KHDRBS2: variants seen among roughly 807,000 people sequenced by gnomAD.
KHDRBS2 encodes KH RNA binding domain containing, signal transduction associated 2, also known as KH domain-containing, RNA-binding, signal transduction-associated protein 2.
KHDRBS2 carries 26 observed loss-of-function variants against 44.3 expected under a neutral mutation model. The ratio of observed to expected loss-of-function variants is 0.59; its 90% CI spans 0.43 to 0.81. The LOEUF is 0.81. KHDRBS2 is among the 40% of genes least tolerant of loss of function. The pLI is 0.00. For missense variants in KHDRBS2, 476 were observed against 433.1 expected (o/e 1.10, Z -0.88); for synonymous variants, 194 against 151.1 (o/e 1.28, Z -2.08).
chr6:61,697,200 C>A lies in KHDRBS2; in HGVS notation c.947G>T (p.Ser316Ile), dbSNP rs766702570. The A allele has an allele frequency of 6.2e-7, 1 of 1,602,716 alleles. No individual in the cohort carries two copies. Among genetic ancestry groups the A allele is most frequent in the South Asian group, 1.1e-5 (1 of 90,798 alleles). The change falls in exon 8 of 9, where the codon AGC (serine) becomes ATC (isoleucine). Residue 316 changes from serine to isoleucine, a missense_variant. Ser to Ile is a moderately radical substitution (Grantham distance 142). Coordinates refer to ENST00000281156, the MANE Select transcript of KHDRBS2 (RefSeq NM_152688.4). ...GHGVSEDAYD[S>I]YAPEEWATTR... ...TAGTAAAGAAAAGGTCTTACCGTAG[C>A]TGTCATAGGCATCCTCACTTACTCC...
At chr6:61,595,394 C>T in the KHDRBS2 span, among the ~76,000 whole-genome samples, 2 of 152,078 alleles carry the variant, frequency 1.3e-5, no homozygotes, top group East Asian at 3.9e-4. Context: ...AATTCCCTTT[C>T]CCTAACTTTC....
At chr6:61,876,217 G>A (rs1376343880) in intron 6 of KHDRBS2, among the ~76,000 whole-genome samples, 1 of 151,858 alleles carries the variant, frequency 6.6e-6, no homozygotes, top group African/African-American at 2.4e-5. Context: ...TCAAATCTAA[G>A]GTGCTAAATT....
the KHDRBS2 span, among the ~76,000 whole-genome samples, chr6:61,579,800 G>C: frequency 6.6e-6 from 1 of 151,802 alleles, no homozygotes; most frequent in South Asian, 2.1e-4. Context: ...GCTCATGCCT[G>C]TAATCCCAGT....
intron 1 of KHDRBS2, among the ~76,000 whole-genome samples, chr6:62,231,904 C>T (rs1832958271): frequency 6.6e-6 from 1 of 152,128 alleles, no homozygotes; most frequent in Non-Finnish European, 1.5e-5. Flanking sequence ...CTGATGAATT[C>T]TTACGAAGCA....
intron 6 of KHDRBS2, among the ~76,000 whole-genome samples, chr6:61,755,956 A>T (rs1413734399): frequency 6.6e-6 from 1 of 152,146 alleles, no homozygotes; most frequent in Non-Finnish European, 1.5e-5. Flanking sequence ...GAGGTCTTTC[A>T]CTTTTCAGTG....
At chr6:62,081,334 T>A (rs1474420318) in intron 2 of KHDRBS2, among the ~76,000 whole-genome samples, 2 of 152,170 alleles carry the variant, frequency 1.3e-5, no homozygotes, top group African/African-American at 4.8e-5. Flanking sequence ...TTGGAAAGAC[T>A]TCTAAAGAAA....
intron 2 of KHDRBS2, among the ~76,000 whole-genome samples, chr6:62,063,452 C>A (rs1261269527): frequency 6.6e-6 from 1 of 151,026 alleles, no homozygotes; most frequent in Admixed American, 6.6e-5. Flanking sequence ...GGCTTCATCC[C>A]TGGGATGCAA....
chr6:61,556,158 C>G, the KHDRBS2 span, among the ~76,000 whole-genome samples: 1 of 152,184 alleles, frequency 6.6e-6, no homozygotes, highest in Non-Finnish European at 1.5e-5. Context: ...TGCGCATTCA[C>G]TCCTGCAGTG....
At chr6:61,926,831 G>A (rs373308317) in intron 4 of KHDRBS2, among the ~76,000 whole-genome samples, 1 of 136,432 alleles carries the variant, frequency 7.3e-6, no homozygotes, top group South Asian at 2.3e-4. Context: ...AAACTTCAAA[G>A]AGAAAGAGAC....
intron 1 of KHDRBS2, among the ~76,000 whole-genome samples, chr6:62,258,772 A>G (rs1837846665): frequency 6.6e-6 from 1 of 152,006 alleles, no homozygotes; most frequent in Non-Finnish European, 1.5e-5. Flanking sequence ...AAACTCTTCT[A>G]TATTTTAGAT....
chr6:61,542,766 G>A, the KHDRBS2 span, among the ~76,000 whole-genome samples: 2 of 151,956 alleles, frequency 1.3e-5, no homozygotes, highest in South Asian at 2.1e-4. Flanking sequence ...AATAATGGGG[G>A]AGAGAGGAGG....
the KHDRBS2 span, among the ~76,000 whole-genome samples, chr6:61,591,296 T>C: frequency 3.9e-5 from 6 of 152,222 alleles, no homozygotes; most frequent in Non-Finnish European, 7.4e-5. Context: ...CCAATGAAAA[T>C]ATATAACAAT....
chr6:61,704,252 C>T (rs1228897671), intron 7 of KHDRBS2, among the ~76,000 whole-genome samples: 2 of 151,774 alleles, frequency 1.3e-5, no homozygotes, highest in African/African-American at 4.8e-5. Context: ...TTTTTTAAAA[C>T]ACTAAACAAC....
At chr6:61,948,921 G>A (rs184619044) in intron 4 of KHDRBS2, among the ~76,000 whole-genome samples, 125 of 151,994 alleles carry the variant, frequency 8.2e-4, no homozygotes, top group African/African-American at 3.0e-3. Context: ...AGATTTCCAC[G>A]TGTTATGCGA....
Position 62,175,247 on chromosome 6 carries a change from T to C in KHDRBS2, c.219+1938A>G, listed in dbSNP as rs530378255. Among the ~76,000 whole-genome samples, 11 of 151,742 alleles carry C rather than the reference T, an allele frequency of 7.2e-5. No homozygotes were observed. The South Asian group carries it at 1.0e-3, about 14-fold the overall frequency. ...GATAATTAGGTGAAATGAATATTCC[T>C]TTAAAAATAAAGGAGTTTGGCAGGC... On this transcript the variant is annotated intron_variant, in intron 2 of 8. Coordinates refer to ENST00000281156, the MANE Select transcript of KHDRBS2 (RefSeq NM_152688.4).
At chr6:61,943,115 G>GAAAGA (rs1562486184) in intron 4 of KHDRBS2, among the ~76,000 whole-genome samples, 3 of 149,654 alleles carry the variant, frequency 2.0e-5, no homozygotes, top group South Asian at 2.1e-4. Flanking sequence ...AGAAAGAAAA[G>GAAAGA]AAAAAAGAAA....
At chr6:61,823,787 T>A (rs1159112517) in intron 6 of KHDRBS2, among the ~76,000 whole-genome samples, 1 of 152,098 alleles carries the variant, frequency 6.6e-6, no homozygotes, top group Non-Finnish European at 1.5e-5. Flanking sequence ...ATTTACAGTT[T>A]TCAAAAATGT....
chr6:61,750,016 A>T (rs969773295), intron 6 of KHDRBS2, among the ~76,000 whole-genome samples: 27 of 152,280 alleles, frequency 1.8e-4, no homozygotes, highest in Middle Eastern at 3.4e-3. Context: ...CACTCATAAA[A>T]ATAATAATGA....
chr6:62,114,605 T>C (rs182737410), intron 2 of KHDRBS2, among the ~76,000 whole-genome samples: 38 of 152,264 alleles, frequency 2.5e-4, no homozygotes, highest in African/African-American at 8.9e-4. Context: ...GCAGAAATCT[T>C]GGTATTATAA....
Sources: gnomAD v4.1 joint callset for allele counts (sites outside exome capture counted in the v4.1 genomes callset) on GRCh38, gnomAD v4.1.1 for gene constraint, MANE v1.5 for transcripts, NCBI Gene and HGNC (gene_info 2026-07-23, HGNC 2026-07-21) for gene names.